Variants in PPARGC1A observed in about 807,000 individuals in gnomAD.
PPARGC1A encodes peroxisome proliferator-activated receptor gamma coactivator 1-alpha.
Under a neutral mutation model 88.7 loss-of-function variants are expected in PPARGC1A, and 25 were observed. The ratio of observed to expected loss-of-function variants is 0.28; its 90% CI spans 0.21 to 0.39. The LOEUF is 0.39. Ranked by LOEUF, PPARGC1A falls within the 10% of genes least tolerant of loss-of-function variation. The pLI is 1.00. For missense variants in PPARGC1A, 880 were observed against 968.7 expected, an observed-to-expected ratio of 0.91 and a Z score of 1.22; for synonymous variants, 363 against 355.6, an observed-to-expected ratio of 1.02 and a Z score of -0.24.
chr4:24,418,223 CA>C, the PPARGC1A span, among the ~76,000 whole-genome samples: 1 of 152,112 alleles, frequency 6.6e-6, no homozygotes, highest in Non-Finnish European at 1.5e-5. Flanking sequence ...TTCCCCACCC[CA>C]TAGAACTTGG....
the PPARGC1A span, among the ~76,000 whole-genome samples, chr4:23,972,828 A>T: frequency 1.3e-5 from 2 of 152,306 alleles, no homozygotes; most frequent in East Asian, 1.9e-4. Context: ...TATTAACATT[A>T]TTCTATTGGA....
the PPARGC1A span, among the ~76,000 whole-genome samples, chr4:24,363,849 A>G: frequency 6.6e-6 from 1 of 152,178 alleles, no homozygotes; most frequent in Non-Finnish European, 1.5e-5. Context: ...ATGTCGAGGC[A>G]TATTCAGGAG....
chr4:23,799,003 A>G (rs561991961), intron 12 of PPARGC1A, among the ~76,000 whole-genome samples: 5 of 152,296 alleles, frequency 3.3e-5, no homozygotes, highest in African/African-American at 9.6e-5. Context: ...GAGCAAGTAA[A>G]CAGAAAGAAA....
At chr4:23,817,321 G>A (rs1373104362) in intron 7 of PPARGC1A, among the ~76,000 whole-genome samples, 1 of 151,970 alleles carries the variant, frequency 6.6e-6, no homozygotes, top group East Asian at 1.9e-4. Flanking sequence ...CACCTTGATT[G>A]TACTTTCTTT....
intron 1 of PPARGC1A, among the ~76,000 whole-genome samples, chr4:23,886,922 T>G (rs1553903288): frequency 6.8e-6 from 1 of 147,764 alleles, no homozygotes; most frequent in Non-Finnish European, 1.5e-5. Context: ...ATCAAGAAAA[T>G]GTAGGCTGTC....
chr4:24,196,649 G>A, the PPARGC1A span, among the ~76,000 whole-genome samples: 1 of 152,156 alleles, frequency 6.6e-6, no homozygotes, highest in Non-Finnish European at 1.5e-5. Flanking sequence ...AAGGCCAGGT[G>A]GAGGTTAAGC....
chr4:23,811,250 C>T (rs1720837230), intron 10 of PPARGC1A, among the ~76,000 whole-genome samples: 1 of 152,162 alleles, frequency 6.6e-6, no homozygotes, highest in Admixed American at 6.5e-5. Context: ...TTAGTCAGCT[C>T]TTTTATATAG....
At chr4:24,121,169 A>G in the PPARGC1A span, among the ~76,000 whole-genome samples, 1 of 152,212 alleles carries the variant, frequency 6.6e-6, no homozygotes, top group African/African-American at 2.4e-5. Flanking sequence ...AGCCCAAGCC[A>G]CTAGGGTGGC....
At chr4:24,015,291 G>A in the PPARGC1A span, among the ~76,000 whole-genome samples, 3 of 151,994 alleles carry the variant, frequency 2.0e-5, no homozygotes, top group African/African-American at 4.8e-5. Flanking sequence ...TAGAGATAGA[G>A]GTACAGGTTC....
At chr4:24,072,204 C>T in the PPARGC1A span, among the ~76,000 whole-genome samples, 146 of 145,386 alleles carry the variant, frequency 1.0e-3, 1 homozygote, top group African/African-American at 3.6e-3. Context: ...AATTAAATAA[C>T]CATTTTATTT....
chr4:24,120,808 T>C, the PPARGC1A span, among the ~76,000 whole-genome samples: 4 of 152,134 alleles, frequency 2.6e-5, no homozygotes, highest in Non-Finnish European at 5.9e-5. Flanking sequence ...AGCTAGAAAG[T>C]GGTCCCTCAC....
the PPARGC1A span, among the ~76,000 whole-genome samples, chr4:24,376,904 A>C: frequency 6.6e-6 from 1 of 152,170 alleles, no homozygotes; most frequent in Non-Finnish European, 1.5e-5. Flanking sequence ...ATTGTGCATG[A>C]TTTTAATTCT....
At chr4:24,366,790 TA>T in the PPARGC1A span, among the ~76,000 whole-genome samples, 2 of 152,132 alleles carry the variant, frequency 1.3e-5, no homozygotes, top group African/African-American at 4.8e-5. Context: ...CAGCCCTTCT[TA>T]GAGGTTCCCA....
At chr4:23,990,002 G>A in the PPARGC1A span, among the ~76,000 whole-genome samples, 3 of 145,084 alleles carry the variant, frequency 2.1e-5, no homozygotes, top group Non-Finnish European at 4.5e-5. Flanking sequence ...TTTATATATA[G>A]ATATGTATCT....
At chr4:24,307,510 G>C in the PPARGC1A span, among the ~76,000 whole-genome samples, 174 of 152,242 alleles carry the variant, frequency 1.1e-3, 1 homozygote, top group African/African-American at 3.9e-3. Flanking sequence ...GGAATTTGAG[G>C]CAACTCTATT....
At chr4:23,873,209 A>AAAAG (rs1560488051) in intron 2 of PPARGC1A, among the ~76,000 whole-genome samples, 1 of 142,818 alleles carries the variant, frequency 7.0e-6, no homozygotes, top group Non-Finnish European at 1.5e-5. Flanking sequence ...AAAATAAAAA[A>AAAAG]TAAAAAATAA....
the PPARGC1A span, among the ~76,000 whole-genome samples, chr4:24,116,424 A>C: frequency 6.6e-6 from 1 of 152,222 alleles, no homozygotes; most frequent in Non-Finnish European, 1.5e-5. Flanking sequence ...CTCACACTCT[A>C]TGTGTTTGGG....
chr4:24,130,103 C>T, the PPARGC1A span, among the ~76,000 whole-genome samples: 1 of 152,098 alleles, frequency 6.6e-6, no homozygotes, highest in African/African-American at 2.4e-5. Flanking sequence ...ACATATGTAA[C>T]TAACCTGCAC....
At chr4:24,347,996 C>T in the PPARGC1A span, among the ~76,000 whole-genome samples, 2 of 152,022 alleles carry the variant, frequency 1.3e-5, no homozygotes, top group South Asian at 2.1e-4. Context: ...AGTAGTTTGC[C>T]ATTGGTAATG....
Sources: gnomAD v4.1 joint callset for allele counts (sites outside exome capture counted in the v4.1 genomes callset) on GRCh38, gnomAD v4.1.1 for gene constraint, MANE v1.5 for transcripts, NCBI Gene and HGNC (gene_info 2026-07-23, HGNC 2026-07-21) for gene names.